SPAG16: variants seen among roughly 807,000 people sequenced by gnomAD.
SPAG16 encodes the protein sperm-associated antigen 16 protein.
SPAG16 carries 86 observed loss-of-function variants against 80.4 expected under a neutral mutation model. That is an observed-to-expected ratio of 1.07 (90% CI 0.90 to 1.28). SPAG16 has a LOEUF of 1.28. Among genes scored for constraint, SPAG16 ranks in the 50% most tolerant of loss-of-function variants. SPAG16 has a pLI of 0.00. For missense variants in SPAG16, 870 were observed against 765.3 expected (o/e 1.14, Z -1.61); for synonymous variants, 294 against 265.9 (o/e 1.11, Z -1.03).
chr2:213,802,557 T>C (rs1275159373), intron 10 of SPAG16, among the ~76,000 whole-genome samples: 5 of 152,086 alleles, frequency 3.3e-5, no homozygotes. Flanking sequence ...ATAGTTTCTT[T>C]TGAGAAAAGT....
chr2:213,743,851 T>C (rs1027437631), intron 10 of SPAG16, among the ~76,000 whole-genome samples: 1 of 152,214 alleles, frequency 6.6e-6, no homozygotes, highest in Non-Finnish European at 1.5e-5. Context: ...CCCACTGTTC[T>C]CCTTTTAAAC....
At chr2:213,920,135 T>G (rs2078146216) in intron 11 of SPAG16, among the ~76,000 whole-genome samples, 1 of 97,958 alleles carries the variant, frequency 1.0e-5, no homozygotes, top group Admixed American at 1.4e-4. Context: ...ATATGCTTGG[T>G]AGATTTTTCT....
chr2:214,256,135 G>A (rs76331280), intron 15 of SPAG16, among the ~76,000 whole-genome samples: 2,611 of 151,926 alleles, frequency 0.017, 45 homozygotes, highest in East Asian at 0.067. Context: ...TTTAAGTTTA[G>A]CTATTCTGGA....
chr2:214,178,530 TGAGTGAATA>T (rs1457291472), intron 15 of SPAG16, among the ~76,000 whole-genome samples: 1 of 151,232 alleles, frequency 6.6e-6, no homozygotes, highest in Non-Finnish European at 1.5e-5. Flanking sequence ...AGAAATTTCT[TGAGTGAATA>T]GAGTGAATCA....
intron 7 of SPAG16, among the ~76,000 whole-genome samples, chr2:213,353,376 G>T (rs2065443621): frequency 1.3e-5 from 2 of 152,126 alleles, no homozygotes; most frequent in East Asian, 1.9e-4. Context: ...GGAAATACAA[G>T]CCATGAGCAA....
Position 213,734,661 on chromosome 2 carries a change from C to A in SPAG16, c.1071-127824C>A, listed in dbSNP as rs142495745. ...ATAAAGGGGTTATATGCAAATACAC[C>A]AGAATGCTATGGGTTCTTCTTTCTC... On this transcript the variant is annotated intron_variant, in intron 10 of 15. Coordinates refer to ENST00000331683, the MANE Select transcript of SPAG16 (RefSeq NM_024532.5). Among the ~76,000 whole-genome samples, 20 of 152,110 alleles carry A rather than the reference C, an allele frequency of 1.3e-4. No homozygotes were observed. The East Asian group carries it at 3.9e-3, about 29-fold the overall frequency.
chr2:213,299,609 G>A (rs914477124), intron 3 of SPAG16, among the ~76,000 whole-genome samples: 1 of 151,960 alleles, frequency 6.6e-6, no homozygotes, highest in African/African-American at 2.4e-5. Context: ...AATGTGGGTA[G>A]TATAGATTAA....
chr2:213,381,257 G>C (rs2125241360), intron 9 of SPAG16, among the ~76,000 whole-genome samples: 1 of 152,304 alleles, frequency 6.6e-6, no homozygotes, highest in Admixed American at 6.5e-5. Flanking sequence ...AATGACTGCT[G>C]TTCCTTTAGG....
At chr2:213,778,994 T>A (rs929394798) in intron 10 of SPAG16, among the ~76,000 whole-genome samples, 3 of 152,230 alleles carry the variant, frequency 2.0e-5, no homozygotes, top group African/African-American at 7.2e-5. Flanking sequence ...ATCACTTAAT[T>A]CTTCAAAAGT....
intron 10 of SPAG16, among the ~76,000 whole-genome samples, chr2:213,498,064 T>C (rs1177924255): frequency 6.6e-6 from 1 of 152,132 alleles, no homozygotes; most frequent in African/African-American, 2.4e-5. Flanking sequence ...TATCTCTTGT[T>C]CTCTTTGAAA....
chr2:214,128,662 A>G (rs911447815), intron 14 of SPAG16, among the ~76,000 whole-genome samples: 2 of 151,870 alleles, frequency 1.3e-5, no homozygotes, highest in South Asian at 4.1e-4. Flanking sequence ...TTCAGATCCC[A>G]ACTATCACTT....
intron 15 of SPAG16, among the ~76,000 whole-genome samples, chr2:214,342,666 A>G (rs1184972652): frequency 6.6e-6 from 1 of 152,180 alleles, no homozygotes; most frequent in Non-Finnish European, 1.5e-5. Context: ...AGTGCATAAT[A>G]AATGTAATGT....
chr2:214,283,360 T>C (rs771906701), intron 15 of SPAG16, among the ~76,000 whole-genome samples: 71 of 152,268 alleles, frequency 4.7e-4, no homozygotes, highest in Middle Eastern at 3.4e-3. Context: ...CAAATACTTA[T>C]AGGGTGTTAA....
intron 12 of SPAG16, among the ~76,000 whole-genome samples, chr2:214,000,316 G>A (rs115231297): frequency 0.025 from 3,865 of 152,082 alleles, 162 homozygotes; most frequent in African/African-American, 0.089. Context: ...AGGGGTTTCC[G>A]CTTTTGCATC....
chr2:213,341,882 T>G (rs1163866140), intron 6 of SPAG16, among the ~76,000 whole-genome samples: 1 of 152,188 alleles, frequency 6.6e-6, no homozygotes, highest in African/African-American at 2.4e-5. Flanking sequence ...ATGAACGTGC[T>G]TATTTTCAGA....
chr2:213,771,041 T>C (rs1449403055), intron 10 of SPAG16, among the ~76,000 whole-genome samples: 1 of 152,206 alleles, frequency 6.6e-6, no homozygotes, highest in East Asian at 1.9e-4. Context: ...ATCACCACTC[T>C]GTCTTCCATA....
intron 10 of SPAG16, among the ~76,000 whole-genome samples, chr2:213,776,556 A>G (rs1487300480): frequency 6.6e-6 from 1 of 152,182 alleles, no homozygotes; most frequent in African/African-American, 2.4e-5. Flanking sequence ...GCAATAGAAA[A>G]CTAGTAAAAG....
intron 10 of SPAG16, among the ~76,000 whole-genome samples, chr2:213,521,887 GTGCCCTGGGAAGAC>G (rs931131758): frequency 2.0e-5 from 3 of 152,106 alleles, no homozygotes; most frequent in African/African-American, 7.2e-5. Context: ...GCTTTTCTGC[GTGCCCTGGGAAGAC>G]TTGCATTTGT....
rs115778262 is a variant in SPAG16, at chr2:214,308,535, A to G, written c.1721-101605A>G. ...GTAGTGGCTGGTAACAATCTTTTCT[A>G]TCCATCTTTAATGCTTCCTTTAGGT... On this transcript the variant is annotated intron_variant, in intron 15 of 15. Coordinates refer to ENST00000331683, the MANE Select transcript of SPAG16 (RefSeq NM_024532.5). 4.7e-3 allele frequency among the ~76,000 whole-genome samples: 715 copies of G among 152,076 alleles called. 6 individuals are homozygous for G. The highest frequency in any genetic ancestry group is 0.017 in the African/African-American group (693 of 41,494).
Sources: gnomAD v4.1 joint callset for allele counts (sites outside exome capture counted in the v4.1 genomes callset) on GRCh38, gnomAD v4.1.1 for gene constraint, MANE v1.5 for transcripts, NCBI Gene and HGNC (gene_info 2026-07-23, HGNC 2026-07-21) for gene names.